NEK11: variants seen among roughly 807,000 people sequenced by gnomAD.
NEK11 encodes the protein serine/threonine-protein kinase Nek11.
NEK11 carries 72 observed loss-of-function variants against 80.7 expected under a neutral mutation model. That is an observed-to-expected ratio of 0.89 (90% CI 0.74 to 1.08). The LOEUF (loss-of-function observed/expected upper bound fraction) is 1.08, where lower values mean the gene tolerates loss of function less well. NEK11 is among the 50% of genes least tolerant of loss of function. NEK11 has a pLI of 0.00. For missense variants in NEK11, 764 were observed against 763.6 expected (o/e 1.00, Z -0.01); for synonymous variants, 251 against 260.7 (o/e 0.96, Z 0.36).
At chr3:131,253,721 G>C (rs2095752618) in intron 16 of NEK11, among the ~76,000 whole-genome samples, 1 of 152,106 alleles carries the variant, frequency 6.6e-6, no homozygotes, top group Admixed American at 6.6e-5. Flanking sequence ...ATGTGTGTTG[G>C]GTGTGTACTG....
intron 14 of NEK11, among the ~76,000 whole-genome samples, chr3:131,204,118 G>A (rs1412152157): frequency 6.6e-6 from 1 of 152,012 alleles, no homozygotes; most frequent in Non-Finnish European, 1.5e-5. Context: ...CTTTGACCAT[G>A]CCTATGCAAT....
intron 5 of NEK11, among the ~76,000 whole-genome samples, chr3:131,120,399 G>T (rs1235437484): frequency 6.6e-6 from 1 of 152,108 alleles, no homozygotes; most frequent in South Asian, 2.1e-4. Flanking sequence ...TTTCACTCTG[G>T]CTGCGCTTAA....
chr3:131,254,549 A>G (rs752246815), intron 16 of NEK11, among the ~76,000 whole-genome samples: 27 of 152,298 alleles, frequency 1.8e-4, no homozygotes, highest in East Asian at 7.7e-4. Flanking sequence ...AAACAGCAAA[A>G]CTGATCAGAC....
intron 14 of NEK11, among the ~76,000 whole-genome samples, chr3:131,201,325 G>T (rs2094217057): frequency 6.6e-6 from 1 of 151,752 alleles, no homozygotes; most frequent in African/African-American, 2.4e-5. Context: ...GAAGGGATGT[G>T]GAATATCGGA....
intron 4 of NEK11, among the ~76,000 whole-genome samples, chr3:131,099,659 A>G (rs190616321): frequency 5.3e-5 from 8 of 152,130 alleles, no homozygotes; most frequent in African/African-American, 1.7e-4. Flanking sequence ...AATGTTTTAT[A>G]TTTCTCCTTG....
chr3:131,349,178 CCTG>C (rs1167960186), intron 17 of NEK11, among the ~76,000 whole-genome samples: 3 of 152,118 alleles, frequency 2.0e-5, no homozygotes, highest in Non-Finnish European at 4.4e-5. Context: ...TCCGCCTCAC[CCTG>C]CTTTTTCTTC....
At position 131,286,212 on chromosome 3, in the gene NEK11, C is replaced by T. The variant is rs190713401; in HGVS notation, c.1718+12638C>T. Reference sequence around the variant, plus strand: ...TGCTTCCAAGCAAACAATCCTAAAGCAGACCCATTAGCTCTTATCAACTGC... The same window carrying T: ...TGCTTCCAAGCAAACAATCCTAAAGTAGACCCATTAGCTCTTATCAACTGC... On this transcript the variant is annotated intron_variant, in intron 17 of 17. Coordinates refer to ENST00000383366, the MANE Select transcript of NEK11 (RefSeq NM_024800.5). Among the ~76,000 whole-genome samples, 348 of 152,318 alleles carry T rather than the reference C, an allele frequency of 2.3e-3. 2 individuals are homozygous for T. The highest frequency in any genetic ancestry group is 4.1e-3 in the Non-Finnish European group (279 of 68,028).
chr3:131,074,844 T>C (rs1417957070), intron 3 of NEK11, among the ~76,000 whole-genome samples: 3 of 152,194 alleles, frequency 2.0e-5, no homozygotes, highest in African/African-American at 7.2e-5. Context: ...TTAGCATTTA[T>C]CATGAAGTTG....
chr3:131,251,479 T>C (rs1460443968), intron 16 of NEK11, among the ~76,000 whole-genome samples: 1 of 152,034 alleles, frequency 6.6e-6, no homozygotes, highest in Non-Finnish European at 1.5e-5. Context: ...TATAGTAAAC[T>C]AAATTTGTAA....
intron 3 of NEK11, among the ~76,000 whole-genome samples, chr3:131,061,294 C>A (rs1416489121): frequency 6.6e-6 from 1 of 152,194 alleles, no homozygotes. Context: ...GAATCACAGG[C>A]AGGAGCACAT....
intron 14 of NEK11, among the ~76,000 whole-genome samples, chr3:131,194,351 A>C (rs897893084): frequency 5.9e-5 from 9 of 152,192 alleles, no homozygotes; most frequent in African/African-American, 1.9e-4. Context: ...AATGTACAGC[A>C]ATAGTATGAT....
intron 17 of NEK11, among the ~76,000 whole-genome samples, chr3:131,332,083 G>A (rs532260429): frequency 2.2e-4 from 33 of 152,340 alleles, no homozygotes; most frequent in African/African-American, 6.5e-4. Flanking sequence ...AGAATTAAAC[G>A]TCCCGGTCTG....
At chr3:131,065,819 T>C (rs1326322750) in intron 3 of NEK11, among the ~76,000 whole-genome samples, 1 of 152,256 alleles carries the variant, frequency 6.6e-6, no homozygotes, top group Non-Finnish European at 1.5e-5. Flanking sequence ...TTATGCCTAT[T>C]GATTATGCTG....
chr3:131,127,120 C>T (rs1396328539), intron 5 of NEK11, among the ~76,000 whole-genome samples: 3 of 151,952 alleles, frequency 2.0e-5, no homozygotes, highest in South Asian at 2.1e-4. Flanking sequence ...TGCCTGCCAC[C>T]ATGCCCGGCT....
At chr3:131,342,510 A>T (rs1173018937) in intron 17 of NEK11, among the ~76,000 whole-genome samples, 1 of 147,860 alleles carries the variant, frequency 6.8e-6, no homozygotes, top group Admixed American at 6.7e-5. Context: ...AAGAAATTAC[A>T]TGTTTTTCAC....
In NEK11 at chr3:131,176,127, A is replaced by C. The variant is rs554232838; in HGVS notation, c.1399+5240A>C. Among the ~76,000 whole-genome samples the C allele has an allele frequency of 8.9e-4, 135 of 152,254 alleles. 1 individual carries two copies. In the South Asian group the frequency reaches 0.017, roughly 19 times the overall value. ...TATAGTTGGGGGTGGAGGTGCACAC[A>C]TCTGAGTAGCAGAGAGCCCTACCAG... On this transcript the variant is annotated intron_variant, in intron 14 of 17. Transcript: ENST00000383366.
At chr3:131,314,401 A>T (rs867811376) in intron 17 of NEK11, among the ~76,000 whole-genome samples, 2 of 152,242 alleles carry the variant, frequency 1.3e-5, no homozygotes, top group Non-Finnish European at 2.9e-5. Context: ...TATGCTTAAG[A>T]ATGTTACATA....
chr3:131,173,371 G>A (rs979769846), intron 14 of NEK11, among the ~76,000 whole-genome samples: 1 of 152,054 alleles, frequency 6.6e-6, no homozygotes, highest in African/African-American at 2.4e-5. Context: ...TCTGCTGGAG[G>A]ACAGAGCCAT....
intron 14 of NEK11, among the ~76,000 whole-genome samples, chr3:131,210,974 T>C (rs1309025536): frequency 6.6e-6 from 1 of 152,226 alleles, no homozygotes; most frequent in Admixed American, 6.5e-5. Context: ...CCCATTTACA[T>C]TTAAGATTAA....
Sources: allele counts gnomAD v4.1 joint callset (sites outside exome capture counted in the v4.1 genomes callset), GRCh38; gene constraint gnomAD v4.1.1; transcripts MANE v1.5; gene names NCBI Gene and HGNC (gene_info 2026-07-23, HGNC 2026-07-21).